CHRM3: variants seen among roughly 807,000 people sequenced by gnomAD.
The protein encoded by CHRM3 is muscarinic acetylcholine receptor M3.
CHRM3 carries 11 observed loss-of-function variants against 41.8 expected under a neutral mutation model. The ratio of observed to expected loss-of-function variants is 0.26; its 90% CI spans 0.17 to 0.44. The LOEUF (loss-of-function observed/expected upper bound fraction) is 0.44. Among genes scored for constraint, CHRM3 ranks in the 20% least tolerant of loss-of-function variants. CHRM3 has a pLI of 1.00. For synonymous variants in CHRM3, 297 were observed against 301.4 expected (o/e 0.99, Z 0.15); for missense variants, 571 against 745.4 (o/e 0.77, Z 2.72).
At chr1:239,759,185 TTTTTTTTTTTTAG>T (rs1558518606) in intron 5 of CHRM3, among the ~76,000 whole-genome samples, 15 of 134,258 alleles carry the variant, frequency 1.1e-4, no homozygotes, top group African/African-American at 3.9e-4. Flanking sequence ...TTTTTTTGTT[TTTTTTTTTTTTAG>T]AGAGAGGCTT....
intron 5 of CHRM3, among the ~76,000 whole-genome samples, chr1:239,797,069 A>T (rs1430157500): frequency 1.3e-5 from 2 of 152,226 alleles, no homozygotes; most frequent in East Asian, 3.9e-4. Context: ...ATGCAGCTGG[A>T]GGCCATTATC....
intron 1 of CHRM3, among the ~76,000 whole-genome samples, chr1:239,442,392 C>G (rs1663798577): frequency 6.6e-6 from 1 of 152,162 alleles, no homozygotes; most frequent in South Asian, 2.1e-4. Flanking sequence ...CAGGCGTGAG[C>G]CGCTGCACCC....
intron 3 of CHRM3, among the ~76,000 whole-genome samples, chr1:239,608,880 A>AT (rs940025762): frequency 7.0e-4 from 106 of 151,508 alleles, no homozygotes; most frequent in African/African-American, 2.3e-3. Context: ...ACAGATCCCC[A>AT]TTTTTTTTTA....
intron 6 of CHRM3, among the ~76,000 whole-genome samples, chr1:239,868,631 T>C (rs1676319798): frequency 6.6e-6 from 1 of 152,142 alleles, no homozygotes; most frequent in Non-Finnish European, 1.5e-5. Context: ...TGCTAGGTAG[T>C]CACATCCCCC....
chr1:239,693,991 CT>C (rs1357548184), intron 5 of CHRM3, among the ~76,000 whole-genome samples: 1 of 152,068 alleles, frequency 6.6e-6, no homozygotes. Flanking sequence ...TTTCCAATCC[CT>C]TTTCATATAG....
At chr1:239,432,205 A>G (rs998589060) in intron 1 of CHRM3, among the ~76,000 whole-genome samples, 1 of 151,998 alleles carries the variant, frequency 6.6e-6, no homozygotes, top group Non-Finnish European at 1.5e-5. Flanking sequence ...GATGTTCACA[A>G]TCTCATGTGG....
chr1:239,552,602 C>T (rs900980535), intron 3 of CHRM3, among the ~76,000 whole-genome samples: 1 of 146,564 alleles, frequency 6.8e-6, no homozygotes, highest in South Asian at 2.1e-4. Context: ...GCTGGGACTA[C>T]AGGCTCATGC....
At chr1:239,810,681 G>C (rs185841837) in intron 5 of CHRM3, among the ~76,000 whole-genome samples, 1 of 152,166 alleles carries the variant, frequency 6.6e-6, no homozygotes, top group South Asian at 2.1e-4. Flanking sequence ...AATTATTATC[G>C]GCATGTCCTT....
chr1:239,553,019 A>G (rs772663018), intron 3 of CHRM3, among the ~76,000 whole-genome samples: 1 of 152,104 alleles, frequency 6.6e-6, no homozygotes, highest in African/African-American at 2.4e-5. Context: ...GTTCCTAGCC[A>G]CGTTGTCTCT....
intron 4 of CHRM3, among the ~76,000 whole-genome samples, chr1:239,638,746 G>A (rs1371700084): frequency 1.3e-5 from 2 of 152,126 alleles, no homozygotes; most frequent in Admixed American, 6.5e-5. Flanking sequence ...TTCTTTTGCT[G>A]TGCAGAAGCT....
chr1:239,386,801 GA>G lies in CHRM3; in HGVS notation c.-943del, dbSNP rs1658543152. On this transcript the variant is annotated 5_prime_UTR_variant, in exon 1 of 7. Transcript: ENST00000676153. The stretch of plus-strand genomic sequence containing the variant: ...GAAAAAGTGAGGCGGGAGACAGAGG[GA>G]AAAGGGCGTGAACAGAAAGGGCCGG... 2 of 152,716 alleles carry G rather than the reference GA, an allele frequency of 1.3e-5. No homozygotes were observed. Among genetic ancestry groups the G allele is most frequent in the Admixed American group, 6.5e-5 (1 of 15,278 alleles). 9.5% of individuals were successfully genotyped at this position (152,716 alleles called of 1,614,324 possible).
chr1:239,847,445 C>T (rs1045574901), intron 6 of CHRM3, among the ~76,000 whole-genome samples: 2 of 152,040 alleles, frequency 1.3e-5, no homozygotes, highest in Non-Finnish European at 2.9e-5. Context: ...TTATTATTTA[C>T]AATGGCCTTA....
chr1:239,707,333 A>G (rs1406142752), intron 5 of CHRM3: 1 of 152,212 alleles, frequency 6.6e-6, no homozygotes, highest in Non-Finnish European at 1.5e-5. Context: ...AGTCTAAAAA[A>G]AAATTAGCTG....
chr1:239,812,773 A>G (rs1166283605), intron 5 of CHRM3, among the ~76,000 whole-genome samples: 1 of 152,192 alleles, frequency 6.6e-6, no homozygotes, highest in South Asian at 2.1e-4. Context: ...TCAATTTCCA[A>G]TCCAATGACC....
At chr1:239,638,032 A>G (rs1361081813) in intron 4 of CHRM3, among the ~76,000 whole-genome samples, 2 of 150,340 alleles carry the variant, frequency 1.3e-5, no homozygotes, top group Admixed American at 6.7e-5. Context: ...TTGTTCTTGC[A>G]ATAGTTTACT....
chr1:239,662,893 CTCT>C (rs67465048), intron 4 of CHRM3, among the ~76,000 whole-genome samples: 3,476 of 46,298 alleles, frequency 0.075, 101 homozygotes, highest in East Asian at 0.37. Context: ...CTTCCTCCTC[CTCT>C]TCTTCTTCTT....
At chr1:239,442,463 T>C (rs1454535439) in intron 1 of CHRM3, among the ~76,000 whole-genome samples, 1 of 152,028 alleles carries the variant, frequency 6.6e-6, no homozygotes, top group African/African-American at 2.4e-5. Context: ...TTTTTTTTTT[T>C]CTTTAAGAGT....
intron 4 of CHRM3, among the ~76,000 whole-genome samples, chr1:239,654,201 T>C (rs12409845): frequency 0.66 from 99,824 of 151,870 alleles, 33,191 homozygotes; most frequent in East Asian, 0.84. Flanking sequence ...AATTCCTGGG[T>C]TTAAGCAATC....
intron 4 of CHRM3, among the ~76,000 whole-genome samples, chr1:239,656,284 G>C (rs1037776277): frequency 6.6e-6 from 1 of 151,612 alleles, no homozygotes; most frequent in Non-Finnish European, 1.5e-5. Flanking sequence ...AAACTTGTAC[G>C]TGTACCCCCC....
Sources: allele counts gnomAD v4.1 joint callset (sites outside exome capture counted in the v4.1 genomes callset), GRCh38; gene constraint gnomAD v4.1.1; transcripts MANE v1.5; gene names NCBI Gene and HGNC (gene_info 2026-07-23, HGNC 2026-07-21).